The following PIP5K1B variants were observed in gnomAD, a reference collection of about 807,000 sequenced individuals.
PIP5K1B encodes the protein phosphatidylinositol-4-phosphate 5-kinase type 1 beta, also known as phosphatidylinositol 4-phosphate 5-kinase type-1 beta.
Under a neutral mutation model 67.0 loss-of-function variants are expected in PIP5K1B, and 42 were observed. The ratio of observed to expected loss-of-function variants is 0.63; its 90% confidence interval spans 0.49 to 0.81. PIP5K1B has a LOEUF of 0.81. Among genes scored for constraint, PIP5K1B ranks in the 30% least tolerant of loss-of-function variants. The pLI is 0.00. For missense variants in PIP5K1B, 459 were observed against 646.3 expected (o/e 0.71, Z 3.14); for synonymous variants, 214 against 231.4 (o/e 0.92, Z 0.68).
At chr9:68,983,018 C>A (rs1003588957) in intron 14 of PIP5K1B, among the ~76,000 whole-genome samples, 19 of 152,140 alleles carry the variant, frequency 1.2e-4, no homozygotes, top group African/African-American at 4.6e-4. Flanking sequence ...GAAAGTTACA[C>A]CTTTCTCTTC....
intron 2 of PIP5K1B, chr9:68,780,246 G>T (rs1006511660): frequency 2.6e-6 from 4 of 1,541,888 alleles, no homozygotes; most frequent in African/African-American, 2.8e-5. Flanking sequence ...TGGCAGCGGC[G>T]GCGGCGGGGG....
chr9:68,883,825 AACACACAC>A (rs59872442), intron 6 of PIP5K1B, among the ~76,000 whole-genome samples: 6 of 149,330 alleles, frequency 4.0e-5, no homozygotes, highest in South Asian at 2.1e-4. Flanking sequence ...CCCAGAAATA[AACACACAC>A]ACACACACAC....
At chr9:69,005,956 T>A (rs1035032045) in intron 15 of PIP5K1B, among the ~76,000 whole-genome samples, 1 of 151,890 alleles carries the variant, frequency 6.6e-6, no homozygotes, top group Non-Finnish European at 1.5e-5. Context: ...CATAGCTCAC[T>A]ATAGCCTCAA....
At chr9:68,932,783 C>T (rs1269331487) in intron 12 of PIP5K1B, among the ~76,000 whole-genome samples, 2 of 152,172 alleles carry the variant, frequency 1.3e-5, no homozygotes, top group African/African-American at 4.8e-5. Flanking sequence ...TTCCACCCCA[C>T]ATCTGAGATC....
intron 2 of PIP5K1B, among the ~76,000 whole-genome samples, chr9:68,766,140 G>C (rs535275544): frequency 7.2e-5 from 11 of 152,020 alleles, no homozygotes; most frequent in South Asian, 6.2e-4. Context: ...GTGACAACTT[G>C]GTATGTATAA....
At chr9:68,776,271 A>G (rs1225103741) in intron 2 of PIP5K1B, among the ~76,000 whole-genome samples, 2 of 152,170 alleles carry the variant, frequency 1.3e-5, no homozygotes, top group Non-Finnish European at 2.9e-5. Context: ...TTGCCTTGTC[A>G]TATATTTGGA....
chr9:68,912,309 A>G (rs951907303), intron 8 of PIP5K1B, among the ~76,000 whole-genome samples: 5 of 152,188 alleles, frequency 3.3e-5, no homozygotes, highest in Non-Finnish European at 5.9e-5. Flanking sequence ...TTTTCCAACA[A>G]AAGAGTCAAT....
intron 13 of PIP5K1B, among the ~76,000 whole-genome samples, chr9:68,937,894 C>G (rs1226117147): frequency 6.6e-6 from 1 of 152,124 alleles, no homozygotes; most frequent in Admixed American, 6.6e-5. Flanking sequence ...TGTTCAGTTT[C>G]CATGTAGTTG....
chr9:68,945,178 C>A (rs562686595), intron 14 of PIP5K1B, among the ~76,000 whole-genome samples: 1 of 151,778 alleles, frequency 6.6e-6, no homozygotes, highest in South Asian at 2.1e-4. Context: ...GAGAGTCTCG[C>A]GCTGTGGCCC....
chr9:68,909,383 A>G (rs1338841258), intron 8 of PIP5K1B, among the ~76,000 whole-genome samples: 1 of 151,712 alleles, frequency 6.6e-6, no homozygotes, highest in Non-Finnish European at 1.5e-5. Context: ...TTTAGTAGGA[A>G]TCCCTAAAAG....
chr9:68,838,290 G>T, intron 4 of PIP5K1B, among the ~76,000 whole-genome samples: 1 of 151,484 alleles, frequency 6.6e-6, no homozygotes. Context: ...TTTTGTAATT[G>T]GCTTGTCTTA....
At chr9:68,715,451 C>G (rs1219803410) in intron 1 of PIP5K1B, among the ~76,000 whole-genome samples, 1 of 152,214 alleles carries the variant, frequency 6.6e-6, no homozygotes, top group Admixed American at 6.5e-5. Flanking sequence ...GTGCAGCACT[C>G]TCGTTGCCCC....
intron 2 of PIP5K1B, chr9:68,780,096 C>CATTAAAAAA: frequency 7.7e-6 from 11 of 1,430,302 alleles, no homozygotes; most frequent in South Asian, 3.3e-5. Flanking sequence ...GCGGCGGCGG[C>CATTAAAAAA]CCTGGACTGC....
chr9:68,897,628 A>G (rs993168993), intron 8 of PIP5K1B, among the ~76,000 whole-genome samples: 4 of 152,196 alleles, frequency 2.6e-5, no homozygotes, highest in African/African-American at 9.7e-5. Flanking sequence ...GTGGCCACAT[A>G]ATATGAGAGC....
intron 8 of PIP5K1B, among the ~76,000 whole-genome samples, chr9:68,900,315 C>T (rs1170825592): frequency 6.6e-6 from 1 of 152,204 alleles, no homozygotes; most frequent in Non-Finnish European, 1.5e-5. Flanking sequence ...ATTCTTTACA[C>T]CTCTCTGCAG....
intron 7 of PIP5K1B, among the ~76,000 whole-genome samples, chr9:68,894,117 C>G (rs1824959657): frequency 6.6e-6 from 1 of 152,194 alleles, no homozygotes; most frequent in South Asian, 2.1e-4. Context: ...TATGTCCAAT[C>G]CAGTCACTTT....
chr9:68,997,138 A>C (rs1210437082), intron 15 of PIP5K1B, among the ~76,000 whole-genome samples: 1 of 152,214 alleles, frequency 6.6e-6, no homozygotes, highest in Non-Finnish European at 1.5e-5. Flanking sequence ...TCATGGGAAG[A>C]AGGGTGGCAG....
At chr9:68,856,724 G>C (rs1822797210) in intron 4 of PIP5K1B, among the ~76,000 whole-genome samples, 3 of 152,174 alleles carry the variant, frequency 2.0e-5, no homozygotes, top group African/African-American at 7.2e-5. Context: ...TCAGATCTTT[G>C]CTGGCAGAAT....
intron 2 of PIP5K1B, chr9:68,782,645 A>C (rs1831360816): frequency 6.0e-6 from 1 of 167,102 alleles, no homozygotes; most frequent in Admixed American, 6.5e-5. Context: ...AGATGGAGTG[A>C]AATTGCATCG....
Sources: gnomAD v4.1 joint callset for allele counts (sites outside exome capture counted in the v4.1 genomes callset) on GRCh38, gnomAD v4.1.1 for gene constraint, MANE v1.5 for transcripts, NCBI Gene and HGNC (gene_info 2026-07-23, HGNC 2026-07-21) for gene names.